ZFP69B: variants seen among roughly 807,000 people sequenced by gnomAD.
ZFP69B encodes ZFP69 zinc finger protein B.
ZFP69B carries 20 observed loss-of-function variants against 19.7 expected under a neutral mutation model. The ratio of observed to expected loss-of-function variants is 1.02; its 90% confidence interval spans 0.71 to 1.48. ZFP69B has a LOEUF of 1.48. Ranked by LOEUF, ZFP69B falls within the 40% of genes most tolerant of loss-of-function variation. The pLI, the probability that ZFP69B is intolerant of heterozygous loss-of-function variation, is 0.00. For synonymous variants in ZFP69B, 220 were observed against 222.7 expected (o/e 0.99, Z 0.11); for missense variants, 583 against 632.6 (o/e 0.92, Z 0.84).
Position 40,462,857 on chromosome 1 carries a change from T to C in ZFP69B, c.873T>C (p.Leu291=). The change falls in exon 5 of 5, where the codon CTT becomes CTC. Residue 291 remains leucine, a synonymous_variant. Coordinates refer to ENST00000361584, the MANE Select transcript of ZFP69B (RefSeq NM_023070.3). ...TTTGTGAAAAAATCTTCAAACAGCT[T>C]ATTCACCTTACTGAACACATGAGAA... is the stretch of plus-strand genomic sequence containing the variant. The part of the protein sequence containing the change: ...CNICEKIFKQ[L]IHLTEHMRIH... 1.2e-6 allele frequency: 2 copies of C among 1,614,152 alleles called. No homozygotes were observed. Among genetic ancestry groups the C allele is most frequent in the South Asian group, 1.1e-5 (1 of 91,088 alleles).
intron 4 of ZFP69B, among the ~76,000 whole-genome samples, chr1:40,460,979 CAAAAAAAAAA>C (rs35932276): frequency 8.0e-5 from 6 of 75,398 alleles, no homozygotes; most frequent in African/African-American, 2.7e-4. Flanking sequence ...GACTTTGTCT[CAAAAAAAAAA>C]AAAAAAAAAA....
intron 1 of ZFP69B, among the ~76,000 whole-genome samples, chr1:40,451,297 A>T (rs1483986605): frequency 2.0e-5 from 3 of 152,140 alleles, no homozygotes; most frequent in African/African-American, 7.2e-5. Context: ...GGTTATGTAT[A>T]TTATTTATTT....
At position 40,462,425 on chromosome 1, in the gene ZFP69B, G is replaced by A. The variant is rs769689262; in HGVS notation, c.441G>A (p.Leu147=). 1 of 1,577,910 alleles carries A rather than the reference G, an allele frequency of 6.3e-7. No homozygotes were observed. Among genetic ancestry groups the A allele is most frequent in the East Asian group, 2.2e-5 (1 of 44,598 alleles). ...RDISGVPSSD[L]KSKTKTKESA... is the part of the protein sequence containing the mutation. ...TTTTTTTATTATTTCTTTCAGACTT[G>A]AAGAGCAAAACAAAAACCAAAGAGT... Residue 147 remains leucine (L), a synonymous_variant, in exon 5 of 5, where the codon TTG becomes TTA. Coordinates refer to ENST00000361584, the MANE Select transcript of ZFP69B (RefSeq NM_023070.3).
rs1269240817 is a variant in ZFP69B, at chr1:40,454,251, G to A, written c.176G>A (p.Ser59Asn). The A allele has an allele frequency of 1.2e-6, 2 of 1,604,724 alleles. No individual in the cohort carries two copies. Among genetic ancestry groups the A allele is most frequent in the African/African-American group, 1.3e-5 (1 of 74,790 alleles). The change falls in exon 2 of 5, where the codon AGT becomes AAT. Residue 59 changes from serine to asparagine, a missense_variant. Ser to Asn is a conservative substitution (Grantham distance 46). Coordinates refer to ENST00000361584, the MANE Select transcript of ZFP69B (RefSeq NM_023070.3). The part of the protein sequence containing the change: ...ADETQGESLE[S>N]RVTLGSLTAE... ...GAGACCCAGGGCGAAAGTTTAGAGAGTAGAGTGACCCTTGGATCCCTGACA... is the reference window on the plus strand; with the variant it reads ...GAGACCCAGGGCGAAAGTTTAGAGAATAGAGTGACCCTTGGATCCCTGACA...
chr1:40,459,696 G>A (rs993664837), intron 4 of ZFP69B, among the ~76,000 whole-genome samples: 31 of 152,034 alleles, frequency 2.0e-4, no homozygotes, highest in African/African-American at 7.3e-4. Context: ...CTTGAAATAC[G>A]ACATTTATCT....
intron 4 of ZFP69B, among the ~76,000 whole-genome samples, chr1:40,462,065 T>C (rs1177349261): frequency 1.8e-5 from 2 of 108,616 alleles, no homozygotes; most frequent in East Asian, 8.6e-4. Context: ...CTGGTTTTTT[T>C]GTTTGTTTGT....
chr1:40,458,253 A>G (rs1365731042), intron 4 of ZFP69B, among the ~76,000 whole-genome samples: 2 of 152,232 alleles, frequency 1.3e-5, no homozygotes, highest in African/African-American at 4.8e-5. Context: ...TAGATTACAC[A>G]TGTAGACCTC....
intron 4 of ZFP69B, among the ~76,000 whole-genome samples, chr1:40,460,421 C>T (rs1172294519): frequency 6.6e-6 from 1 of 151,964 alleles, no homozygotes. Context: ...TTATTTGAGT[C>T]GAGGAGTTGG....
intron 2 of ZFP69B, among the ~76,000 whole-genome samples, chr1:40,454,886 GAGA>G (rs1380939217): frequency 2.6e-5 from 4 of 152,320 alleles, no homozygotes; most frequent in Admixed American, 2.6e-4. Context: ...AAATAGAGAG[GAGA>G]AGAAGTAATG....
intron 4 of ZFP69B, among the ~76,000 whole-genome samples, chr1:40,461,749 C>G (rs1445348674): frequency 1.3e-5 from 2 of 152,084 alleles, no homozygotes; most frequent in Non-Finnish European, 2.9e-5. Context: ...GAGCCGTGAT[C>G]ATGCCACTGC....
chr1:40,455,518 A>C (rs1645224667), intron 2 of ZFP69B, among the ~76,000 whole-genome samples: 1 of 152,206 alleles, frequency 6.6e-6, no homozygotes, highest in Admixed American at 6.5e-5. Flanking sequence ...AATATTCTCT[A>C]TACTTAGGGG....
intron 4 of ZFP69B, among the ~76,000 whole-genome samples, chr1:40,461,379 C>G (rs528217889): frequency 6.6e-6 from 1 of 152,014 alleles, no homozygotes; most frequent in Non-Finnish European, 1.5e-5. Flanking sequence ...TGCATTCCTA[C>G]ATTATTCAGT....
chr1:40,462,672 A>G lies in ZFP69B; in HGVS notation c.688A>G (p.Lys230Glu). The stretch of plus-strand genomic sequence containing the variant: ...AGGCCAAGAGTCTAATAGATTTGAG[A>G]AAAGAATTAATGTGAAGTCAGAAGT... ...ERGQESNRFE[K>E]RINVKSEVMP... Residue 230 changes from lysine (K) to glutamate (E), a missense_variant, in exon 5 of 5, where the codon AAA becomes GAA. Physicochemically the swap from Lys to Glu is moderately conservative, Grantham distance 56 (BLOSUM62 1). Coordinates refer to ENST00000361584, the MANE Select transcript of ZFP69B (RefSeq NM_023070.3). 1 of 1,614,136 alleles carries G rather than the reference A, an allele frequency of 6.2e-7. No homozygotes were observed. The highest frequency in any genetic ancestry group is 8.5e-7 in the Non-Finnish European group (1 of 1,180,018).
intron 2 of ZFP69B, among the ~76,000 whole-genome samples, chr1:40,455,536 G>A (rs1279354291): frequency 6.6e-6 from 1 of 152,186 alleles, no homozygotes; most frequent in Non-Finnish European, 1.5e-5. Flanking sequence ...GGGATTTGTT[G>A]TTATTTCAGC....
Position 40,450,615 on chromosome 1 carries a change from G to C in ZFP69B, c.-347G>C, listed in dbSNP as rs985044900. 1 of 164,432 alleles carries C rather than the reference G, an allele frequency of 6.1e-6. No homozygotes were observed. Among genetic ancestry groups the C allele is most frequent in the Non-Finnish European group, 1.3e-5 (1 of 76,158 alleles). 10.2% of individuals were successfully genotyped at this position (164,432 alleles called of 1,614,324 possible). ...TTCTAGCGTTCTGCCCTATGACTGA[G>C]CCTCCTTAGTCCTTTGCTGATTCTA... is the stretch of plus-strand genomic sequence containing the variant. On this transcript the variant is annotated 5_prime_UTR_variant, in exon 1 of 5. Transcript: ENST00000361584.
chr1:40,457,500 C>T, intron 4 of ZFP69B, 61 bp downstream of exon 4: 1 of 1,444,570 alleles, frequency 6.9e-7, no homozygotes, highest in African/African-American at 1.4e-5. Context: ...TCAAGGCCTT[C>T]TCCAAGTTGT....
At chr1:40,454,107 T>G in intron 1 of ZFP69B, 96 bp from the exon 2 acceptor site, 1 of 889,410 alleles carries the variant, frequency 1.1e-6, no homozygotes. Flanking sequence ...TTGTGAACGT[T>G]TTTGGGGAGA....
At chr1:40,458,804 G>C (rs1279251469) in intron 4 of ZFP69B, among the ~76,000 whole-genome samples, 2 of 152,200 alleles carry the variant, frequency 1.3e-5, no homozygotes, top group African/African-American at 4.8e-5. Flanking sequence ...ACAGGCATGA[G>C]CCACTGCACT....
intron 1 of ZFP69B, among the ~76,000 whole-genome samples, chr1:40,451,658 G>A (rs897846039): frequency 6.9e-6 from 1 of 145,760 alleles, no homozygotes; most frequent in African/African-American, 2.5e-5. Flanking sequence ...AGACGTGGGG[G>A]GGGGGGAATT....
Sources: gnomAD v4.1 joint callset for allele counts (sites outside exome capture counted in the v4.1 genomes callset) on GRCh38, gnomAD v4.1.1 for gene constraint, MANE v1.5 for transcripts, NCBI Gene and HGNC (gene_info 2026-07-23, HGNC 2026-07-21) for gene names.